Variants in SMIM40 observed in about 807,000 individuals in gnomAD.
The protein encoded by SMIM40 is small integral membrane protein 40.
At chr6:33,324,558 T>C (rs1191736270) in intron 1 of SMIM40, among the ~76,000 whole-genome samples, 8 of 149,506 alleles carry the variant, frequency 5.4e-5, no homozygotes, top group African/African-American at 2.0e-4. Flanking sequence ...TTTTTTTTTT[T>C]TTTTTTTCCT....
intron 1 of SMIM40, among the ~76,000 whole-genome samples, chr6:33,324,612 C>A (rs1399519723): frequency 2.2e-5 from 3 of 135,518 alleles, no homozygotes; most frequent in Non-Finnish European, 4.6e-5. Context: ...CGGCCGGGCG[C>A]GATGGTTCAC....
Position 33,323,773 on chromosome 6 carries a change from T to TCA in SMIM40, c.*190_*191insTG, listed in dbSNP as rs1770952331. 1 of 152,368 alleles carries TCA rather than the reference T, an allele frequency of 6.6e-6. No individual in the cohort carries two copies. Among genetic ancestry groups the TCA allele is most frequent in the Admixed American group, 6.5e-5 (1 of 15,270 alleles). 9.4% of individuals were successfully genotyped at this position (152,368 alleles called of 1,614,324 possible). A position where few individuals can be genotyped will look rare whatever the true frequency, so the allele number is the denominator to read the frequency against. On this transcript the variant is annotated 3_prime_UTR_variant, in exon 3 of 3. Transcript: ENST00000494082. ...GCCGTCTGTGCTGACCAGGTGGCCG[T>TCA]GCTTTGTCGTGGGAGGCCTAGGGTC...
In SMIM40 at chr6:33,329,169, T is replaced by C. The variant is rs1246634993; in HGVS notation, c.97A>G (p.Lys33Glu). 5.0e-6 allele frequency: 2 copies of C among 398,720 alleles called. No homozygotes were observed. The highest frequency in any genetic ancestry group is 4.1e-5 in the African/African-American group (2 of 48,644). 24.7% of individuals were successfully genotyped at this position (398,720 alleles called of 1,614,324 possible). A position where few individuals can be genotyped will look rare whatever the true frequency, so the allele number is the denominator to read the frequency against. ...AGGGCCAGGAAGATAAAGAAAGCCT[T>C]GTCCAAGGCACGTCGCACGGGACCC... is the stretch of plus-strand genomic sequence containing the variant. Reference protein sequence around the residue: ...PRGPVRRALDKAFFIFLALFL... With the variant: ...PRGPVRRALDEAFFIFLALFL... The change falls in exon 1 of 3, where the codon AAG becomes GAG. Residue 33 changes from lysine (K) to glutamate (E), a missense_variant. By Grantham distance (56) the Lys-to-Glu change is moderately conservative (BLOSUM62 1). Coordinates refer to ENST00000494082, the MANE Select transcript of SMIM40 (RefSeq NM_001369203.1).
Position 33,329,173 on chromosome 6 carries a change from C to G in SMIM40, c.93G>C (p.Leu31Phe), listed in dbSNP as rs1268304177. Residue 31 changes from leucine to phenylalanine, a missense_variant, in exon 1 of 3, where the codon TTG becomes TTC. By Grantham distance (22) the Leu-to-Phe change is conservative. Transcript: ENST00000494082. ...SPPRGPVRRA[L>F]DKAFFIFLAL... ...CCAGGAAGATAAAGAAAGCCTTGTC[C>G]AAGGCACGTCGCACGGGACCCCTGG... The G allele has an allele frequency of 2.5e-6, 1 of 398,856 alleles. No homozygotes were observed. Among genetic ancestry groups the G allele is most frequent in the Non-Finnish European group, 4.4e-6 (1 of 226,270 alleles). 24.7% of individuals were successfully genotyped at this position (398,856 alleles called of 1,614,324 possible).
chr6:33,325,669 G>T (rs1278398005), intron 1 of SMIM40, among the ~76,000 whole-genome samples: 1 of 134,756 alleles, frequency 7.4e-6, no homozygotes, highest in East Asian at 2.1e-4. Context: ...GTGAAACCCT[G>T]TCTCTACTAA....
In SMIM40 at chr6:33,324,545, CTTTTT is replaced by C. The variant is rs9280406; in HGVS notation, c.*40-520_*40-516del. Among the ~76,000 whole-genome samples the C allele has an allele frequency of 5.0e-3, 513 of 103,202 alleles. 3 individuals are homozygous for C. The highest frequency in any genetic ancestry group is 0.032 in the Middle Eastern group (5 of 158). The allele number at this position is 103,202 out of a possible 152,430, so 67.7% of individuals were successfully genotyped here. On this transcript the variant is annotated intron_variant, in intron 1 of 2. Transcript: ENST00000494082. ...CAAGGCACCATGAATACCACCTTTT[CTTTTT>C]TTTTTTTTTTTTTTTCCTTTCTTTT... is the stretch of plus-strand genomic sequence containing the variant.
At chr6:33,328,347 T>G (rs1341421108) in intron 1 of SMIM40, among the ~76,000 whole-genome samples, 1 of 150,730 alleles carries the variant, frequency 6.6e-6, no homozygotes, top group African/African-American at 2.4e-5. Context: ...CCACCAACTT[T>G]CCCGGCTAAT....
chr6:33,328,852 C>T, intron 1 of SMIM40, 135 bp downstream of exon 1: 1 of 364,684 alleles, frequency 2.7e-6, no homozygotes, highest in Non-Finnish European at 4.8e-6. Flanking sequence ...TGCCATTGCA[C>T]TCCAGCCTAG....
At chr6:33,328,615 G>A (rs1004598989) in intron 1 of SMIM40, among the ~76,000 whole-genome samples, 2 of 151,416 alleles carry the variant, frequency 1.3e-5, no homozygotes, top group African/African-American at 4.9e-5. Flanking sequence ...CTGGCCGGGC[G>A]CAGTGGCTCA....
intron 1 of SMIM40, 119 bp downstream of exon 1, chr6:33,328,868 A>G: frequency 2.6e-6 from 1 of 380,290 alleles, no homozygotes; most frequent in Non-Finnish European, 4.6e-6. Flanking sequence ...CCTAGGTAAC[A>G]AGAGCAAAAC....
chr6:33,328,264 C>A (rs1381017481), intron 1 of SMIM40, among the ~76,000 whole-genome samples: 1 of 151,264 alleles, frequency 6.6e-6, no homozygotes, highest in Admixed American at 6.6e-5. Flanking sequence ...TCTCGGCTCA[C>A]TGCAACTGCC....
At chr6:33,325,658 G>A (rs1465607131) in intron 1 of SMIM40, among the ~76,000 whole-genome samples, 1 of 144,500 alleles carries the variant, frequency 6.9e-6, no homozygotes, top group Non-Finnish European at 1.5e-5. Context: ...TGGCTAACAC[G>A]GTGAAACCCT....
Position 33,323,658 on chromosome 6 carries a change from T to A in SMIM40, c.*306A>T, listed in dbSNP as rs893138966. On this transcript the variant is annotated 3_prime_UTR_variant, in exon 3 of 3. Transcript: ENST00000494082. ...GTGTTATTGTTATTACTATTGTTGC[T>A]GATTTGCTTTTCAAGCTTCACCACA... The A allele has an allele frequency of 1.3e-5, 2 of 152,334 alleles. No homozygotes were observed. Among genetic ancestry groups the A allele is most frequent in the African/African-American group, 4.8e-5 (2 of 41,458 alleles). 9.4% of individuals were successfully genotyped at this position (152,334 alleles called of 1,614,324 possible).
chr6:33,328,433 C>T (rs1771348522), intron 1 of SMIM40, among the ~76,000 whole-genome samples: 1 of 151,674 alleles, frequency 6.6e-6, no homozygotes, highest in South Asian at 2.1e-4. Context: ...TAGGTGATCC[C>T]CCTGCCTTGG....
chr6:33,328,886 CAAAAAA>C (rs9280408), intron 1 of SMIM40, 95 bp downstream of exon 1: 22 of 273,620 alleles, frequency 8.0e-5, no homozygotes, highest in East Asian at 2.0e-4. Context: ...AACTCCATCT[CAAAAAA>C]AAAAAAAAAA....
At chr6:33,326,361 G>T (rs1771172527) in intron 1 of SMIM40, among the ~76,000 whole-genome samples, 1 of 144,696 alleles carries the variant, frequency 6.9e-6, no homozygotes. Flanking sequence ...TTTTTTTAGT[G>T]GATATGGGTT....
chr6:33,324,391 G>GAA (rs35963214), intron 1 of SMIM40, among the ~76,000 whole-genome samples: 1 of 137,064 alleles, frequency 7.3e-6, no homozygotes. Context: ...ACCCTCTTAA[G>GAA]AAAAAAAAAA....
In SMIM40 at chr6:33,329,188, G is replaced by A. The variant is rs967243647; in HGVS notation, c.78C>T (p.Pro26=). 8 of 398,670 alleles carry A rather than the reference G, an allele frequency of 2.0e-5. No individual in the cohort carries two copies. The highest frequency in any genetic ancestry group is 1.3e-4 in the South Asian group (1 of 7,864). The allele number at this position is 398,670 out of a possible 1,614,324, so 24.7% of individuals were successfully genotyped here. ...AAGCCTTGTCCAAGGCACGTCGCAC[G>A]GGACCCCTGGGAGGGGAGGGACCCT... ...FAQGPSPPRG[P]VRRALDKAFF... The change falls in exon 1 of 3, where the codon CCC becomes CCT. Residue 26 remains proline, a synonymous_variant. Transcript: ENST00000494082.
chr6:33,325,857 T>TAA (rs781570958), intron 1 of SMIM40, among the ~76,000 whole-genome samples: 9 of 127,770 alleles, frequency 7.0e-5, no homozygotes, highest in African/African-American at 1.3e-4. Context: ...GACTCCGTCT[T>TAA]AAAAAAAAAA....
Sources: allele counts gnomAD v4.1 joint callset (sites outside exome capture counted in the v4.1 genomes callset), GRCh38; gene constraint gnomAD v4.1.1; transcripts MANE v1.5; gene names NCBI Gene and HGNC (gene_info 2026-07-23, HGNC 2026-07-21).